Variants in UBE2H observed in about 807,000 individuals in gnomAD.
The protein encoded by UBE2H is ubiquitin-conjugating enzyme E2 H.
Under a neutral mutation model 29.0 loss-of-function variants are expected in UBE2H, and 3 were observed. That is an observed-to-expected ratio of 0.10 (90% CI 0.05 to 0.27). The LOEUF is 0.27. UBE2H is among the 10% of genes least tolerant of loss of function. UBE2H has a pLI of 1.00. For missense variants in UBE2H, 68 were observed against 228.2 expected, an observed-to-expected ratio of 0.30 and a Z score of 4.52; for synonymous variants, 69 against 82.9, an observed-to-expected ratio of 0.83 and a Z score of 0.91.
chr7:129,841,860 C>A (rs1401738598), intron 5 of UBE2H, among the ~76,000 whole-genome samples: 1 of 152,214 alleles, frequency 6.6e-6, no homozygotes. Context: ...TCCTATATAA[C>A]CCCCAAACTA....
Position 129,874,341 on chromosome 7 carries a change from G to A in UBE2H, c.205+5227C>T, listed in dbSNP as rs911352346. ...TTTTTTTTTTTTGAGACAGAGTCTCGCTCTGTTGCCCAGGCTGGAGTGCAG... is the reference window on the plus strand; with the variant it reads ...TTTTTTTTTTTTGAGACAGAGTCTCACTCTGTTGCCCAGGCTGGAGTGCAG... On this transcript the variant is annotated intron_variant, in intron 3 of 6. Coordinates refer to ENST00000355621, the MANE Select transcript of UBE2H (RefSeq NM_003344.4). Among the ~76,000 whole-genome samples, 197 of 146,454 alleles carry A rather than the reference G, an allele frequency of 1.3e-3. 1 individual carries two copies. Among genetic ancestry groups the A allele is most frequent in the African/African-American group, 4.6e-3 (181 of 39,732 alleles).
chr7:129,919,100 T>TAAAAAAAAAAAAAAAAAAAAAACAAAAAA (rs1204331286), intron 1 of UBE2H, among the ~76,000 whole-genome samples: 1 of 72,184 alleles, frequency 1.4e-5, no homozygotes. Context: ...AAAAACAAAG[T>TAAAAAAAAAAAAAAAAAAAAAACAAAAAA]AAAAAAAAAA....
At chr7:129,951,195 G>T (rs1304240529) in intron 1 of UBE2H, 1 of 152,020 alleles carries the variant, frequency 6.6e-6, no homozygotes, top group East Asian at 1.9e-4. Context: ...TGAATTTTTT[G>T]ACAATAACCA....
chr7:129,887,972 A>T (rs1806398424), intron 1 of UBE2H, among the ~76,000 whole-genome samples: 1 of 152,246 alleles, frequency 6.6e-6, no homozygotes, highest in Non-Finnish European at 1.5e-5. Flanking sequence ...TCTGAAGGAA[A>T]CAAGTTCAAG....
rs949253716 is a variant in UBE2H, at chr7:129,833,063, CG to C, written c.*1873del. 1 of 151,460 alleles carries C rather than the reference CG, an allele frequency of 6.6e-6. No homozygotes were observed. Among genetic ancestry groups the C allele is most frequent in the Non-Finnish European group, 1.5e-5 (1 of 67,946 alleles). The allele number at this position is 151,460 out of a possible 1,614,324, so 9.4% of individuals were successfully genotyped here. On this transcript the variant is annotated 3_prime_UTR_variant, in exon 7 of 7. Coordinates refer to ENST00000355621, the MANE Select transcript of UBE2H (RefSeq NM_003344.4). ...CAGATGCTAGATGGATAACTCAGTA[CG>C]GTTAACTAACCACAGCCCTACATCA...
intron 1 of UBE2H, among the ~76,000 whole-genome samples, chr7:129,931,744 G>A (rs1307125617): frequency 6.6e-6 from 1 of 151,586 alleles, no homozygotes; most frequent in African/African-American, 2.4e-5. Context: ...TTGACAAGCA[G>A]TTGTCTCGTA....
At chr7:129,904,878 T>A (rs1340574287) in intron 1 of UBE2H, among the ~76,000 whole-genome samples, 2 of 152,186 alleles carry the variant, frequency 1.3e-5, no homozygotes, top group Non-Finnish European at 2.9e-5. Context: ...CTGAAGGTGC[T>A]CCTGTCCTAA....
intron 3 of UBE2H, among the ~76,000 whole-genome samples, chr7:129,874,371 A>G (rs145939244): frequency 0.063 from 9,389 of 150,216 alleles, 365 homozygotes; most frequent in Non-Finnish European, 0.091. Context: ...GTGCAGTGGC[A>G]CGATCTTGGC....
intron 1 of UBE2H, among the ~76,000 whole-genome samples, chr7:129,925,487 A>T (rs1807247924): frequency 6.6e-6 from 1 of 152,254 alleles, no homozygotes; most frequent in Non-Finnish European, 1.5e-5. Context: ...TGTAAATGAA[A>T]GAAAAAAGCG....
At chr7:129,853,359 A>G (rs566419626) in intron 5 of UBE2H, among the ~76,000 whole-genome samples, 1 of 152,318 alleles carries the variant, frequency 6.6e-6, no homozygotes, top group Admixed American at 6.5e-5. Context: ...CCTTGGCTAC[A>G]TTTTATGTTT....
At chr7:129,927,755 C>T (rs1035972520) in intron 1 of UBE2H, among the ~76,000 whole-genome samples, 1 of 151,998 alleles carries the variant, frequency 6.6e-6, no homozygotes. Context: ...TACGTGGGAG[C>T]TAAAAAAGTT....
chr7:129,890,755 T>C (rs952789826), intron 1 of UBE2H, among the ~76,000 whole-genome samples: 2 of 152,198 alleles, frequency 1.3e-5, no homozygotes, highest in African/African-American at 4.8e-5. Flanking sequence ...GTAAGTTTAC[T>C]TTTGAAAACA....
intron 1 of UBE2H, among the ~76,000 whole-genome samples, chr7:129,943,520 G>T (rs1807689801): frequency 6.7e-6 from 1 of 148,690 alleles, no homozygotes; most frequent in East Asian, 2.1e-4. Flanking sequence ...GGAGGCAGAG[G>T]TTGCAGTGAG....
chr7:129,922,374 C>T (rs188190224), intron 1 of UBE2H, among the ~76,000 whole-genome samples: 48 of 152,178 alleles, frequency 3.2e-4, no homozygotes, highest in African/African-American at 1.2e-3. Context: ...TAACCTCTGC[C>T]TCTTGGGCTC....
At chr7:129,853,877 C>T (rs2116306880) in intron 5 of UBE2H, among the ~76,000 whole-genome samples, 1 of 152,250 alleles carries the variant, frequency 6.6e-6, no homozygotes, top group Non-Finnish European at 1.5e-5. Flanking sequence ...ACCCACAGAA[C>T]AGTACATGTC....
At chr7:129,902,697 A>G (rs927287148) in intron 1 of UBE2H, among the ~76,000 whole-genome samples, 1 of 152,150 alleles carries the variant, frequency 6.6e-6, no homozygotes, top group Non-Finnish European at 1.5e-5. Context: ...TAACTGAATC[A>G]AAATCTCCAT....
At position 129,930,802 on chromosome 7, in the gene UBE2H, G is replaced by A. The variant is rs191193276; in HGVS notation, c.53+21701C>T. On this transcript the variant is annotated intron_variant, in intron 1 of 6. Coordinates refer to ENST00000355621, the MANE Select transcript of UBE2H (RefSeq NM_003344.4). ...ACGCGCCTGTAGTCCCAGCTACTCC[G>A]GAGGCTGAGGCAGGAAAATTGCTTA... Among the ~76,000 whole-genome samples, 106 of 150,962 alleles carry A rather than the reference G, an allele frequency of 7.0e-4. 3 individuals carry two copies. The East Asian group carries it at 0.019, about 28-fold the overall frequency.
At chr7:129,893,606 A>G (rs997651784) in intron 1 of UBE2H, among the ~76,000 whole-genome samples, 2 of 152,222 alleles carry the variant, frequency 1.3e-5, no homozygotes, top group African/African-American at 4.8e-5. Context: ...AGTCAAAACA[A>G]AAAATAAGAT....
intron 1 of UBE2H, among the ~76,000 whole-genome samples, chr7:129,950,767 C>T (rs1807857890): frequency 6.6e-6 from 1 of 152,096 alleles, no homozygotes; most frequent in East Asian, 1.9e-4. Flanking sequence ...AAATAAAACC[C>T]GAAACTGCTT....
Sources: allele counts gnomAD v4.1 joint callset (sites outside exome capture counted in the v4.1 genomes callset), GRCh38; gene constraint gnomAD v4.1.1; transcripts MANE v1.5; gene names NCBI Gene and HGNC (gene_info 2026-07-23, HGNC 2026-07-21).